Variants in PLEKHH1 observed in about 807,000 individuals in gnomAD.
PLEKHH1 encodes pleckstrin homology domain-containing family H member 1.
Under a neutral mutation model 160.0 loss-of-function variants are expected in PLEKHH1, and 104 were observed. The ratio of observed to expected loss-of-function variants is 0.65; its 90% CI spans 0.55 to 0.76. PLEKHH1 has a LOEUF of 0.76. PLEKHH1 is among the 30% of genes least tolerant of loss of function. The pLI is 0.00. For synonymous variants in PLEKHH1, 619 were observed against 678.4 expected (o/e 0.91, Z 1.36); for missense variants, 1,427 against 1,724.1 (o/e 0.83, Z 3.05).
intron 24 of PLEKHH1, among the ~76,000 whole-genome samples, 158 bp from the exon 25 acceptor site, chr14:67,583,583 A>C (rs1168097612): frequency 6.6e-6 from 1 of 152,208 alleles, no homozygotes; most frequent in Non-Finnish European, 1.5e-5. Flanking sequence ...AGTGTCTATA[A>C]AACTTGAGAT....
At chr14:67,559,778 G>T in intron 5 of PLEKHH1, 87 bp downstream of exon 5, 1 of 833,766 alleles carries the variant, frequency 1.2e-6, no homozygotes, top group South Asian at 1.4e-5. Flanking sequence ...CTACTGTCTA[G>T]GGTGCCTCGG....
intron 24 of PLEKHH1, 54 bp from the exon 25 acceptor site, chr14:67,583,687 C>G: frequency 6.9e-7 from 1 of 1,450,398 alleles, no homozygotes. Flanking sequence ...CAGCCCCCAC[C>G]TGGCCCATCC....
chr14:67,547,465 G>A (rs564155737), intron 2 of PLEKHH1, among the ~76,000 whole-genome samples: 1 of 152,316 alleles, frequency 6.6e-6, no homozygotes, highest in African/African-American at 2.4e-5. Flanking sequence ...GGTTTCTTAG[G>A]AGAGCTCCTG....
chr14:67,567,137 C>T (rs1049488864), intron 7 of PLEKHH1, among the ~76,000 whole-genome samples: 4 of 147,628 alleles, frequency 2.7e-5, no homozygotes, highest in Admixed American at 6.8e-5. Flanking sequence ...GGCATGATCA[C>T]TCGTGTTCCG....
Position 67,583,799 on chromosome 14 carries a change from C to T in PLEKHH1, c.3485C>T (p.Ala1162Val). The stretch of plus-strand genomic sequence containing the variant: ...CCAGGCCCTGGAGGCACATCCCCTG[C>T]CAAGGCTCAGCATCTTCTCCAGCAG... The part of the protein sequence containing the change: ...ALPGPGGTSP[A>V]KAQHLLQQVL... The change falls in exon 25 of 29, where the codon GCC becomes GTC. Residue 1162 changes from alanine (A) to valine (V), a missense_variant. Physicochemically the swap from Ala to Val is moderately conservative, Grantham distance 64. This residue lies in a region of PLEKHH1 where 436 missense variants were observed against 607.5 expected (regional missense o/e 0.72). Coordinates refer to ENST00000329153, the MANE Select transcript of PLEKHH1 (RefSeq NM_020715.3). 6.2e-7 allele frequency: 1 copy of T among 1,612,862 alleles called. No individual in the cohort carries two copies. Among genetic ancestry groups the T allele is most frequent in the Non-Finnish European group, 8.5e-7 (1 of 1,179,364 alleles).
At chr14:67,586,178 C>T in intron 28 of PLEKHH1, 81 bp downstream of exon 28, 1 of 1,483,616 alleles carries the variant, frequency 6.7e-7, no homozygotes, top group Non-Finnish European at 9.3e-7. Context: ...TGGGGTTATG[C>T]TAGTGCTCTG....
intron 3 of PLEKHH1, among the ~76,000 whole-genome samples, chr14:67,556,347 G>C (rs2034593957): frequency 6.6e-6 from 1 of 152,222 alleles, no homozygotes; most frequent in Non-Finnish European, 1.5e-5. Context: ...TGTTGCCCAG[G>C]CTGGTCTCAA....
chr14:67,542,856 A>G (rs2034027362), intron 2 of PLEKHH1, among the ~76,000 whole-genome samples: 1 of 151,874 alleles, frequency 6.6e-6, no homozygotes, highest in Non-Finnish European at 1.5e-5. Flanking sequence ...ATGCACCACC[A>G]CGCCCGGCTA....
intron 4 of PLEKHH1, 100 bp downstream of exon 4, chr14:67,557,518 G>C (rs571536025): frequency 8.4e-5 from 91 of 1,089,448 alleles, no homozygotes; most frequent in Non-Finnish European, 1.2e-4. Flanking sequence ...CTAGTGCTGG[G>C]GAACTCGCTC....
intron 10 of PLEKHH1, 112 bp from the exon 11 acceptor site, chr14:67,572,023 C>T: frequency 6.8e-7 from 1 of 1,476,404 alleles, no homozygotes. Context: ...GCAGCTCCAC[C>T]CCCAGCCCCA....
chr14:67,586,440 G>C, intron 28 of PLEKHH1: 1 of 1,309,602 alleles, frequency 7.6e-7, no homozygotes, highest in Non-Finnish European at 1.0e-6. Context: ...TCAAGGCAGG[G>C]CAGATTCCTC....
chr14:67,571,857 T>A lies in PLEKHH1; in HGVS notation c.1540T>A (p.Ser514Thr), dbSNP rs2140468910. ...SFRISVPSSE[S>T]RKTSGLGSPR... ...CCGAATCTCGGTCCCCTCCTCTGAG[T>A]CCAGGAAGACCAGCGGACTAGGCAG... The change falls in exon 10 of 29, where the codon TCC (serine) becomes ACC (threonine). Residue 514 changes from serine (S) to threonine (T), a missense_variant. This residue lies in a region of PLEKHH1 where 831 missense variants were observed against 929.2 expected (regional missense o/e 0.89). Transcript: ENST00000329153. 6.2e-7 allele frequency: 1 copy of A among 1,613,462 alleles called. No individual in the cohort carries two copies. The highest frequency in any genetic ancestry group is 2.2e-5 in the East Asian group (1 of 44,860).
chr14:67,544,712 AGT>A (rs1374711794), intron 2 of PLEKHH1, among the ~76,000 whole-genome samples: 1 of 152,272 alleles, frequency 6.6e-6, no homozygotes, highest in Non-Finnish European at 1.5e-5. Context: ...AATAAGTGAA[AGT>A]GTTTTTATTG....
At position 67,535,952 on chromosome 14, in the gene PLEKHH1, A is replaced by G. The variant is rs1460420076; in HGVS notation, c.-35+2554A>G. On this transcript the variant is annotated intron_variant, in intron 1 of 28. Coordinates refer to ENST00000329153, the MANE Select transcript of PLEKHH1 (RefSeq NM_020715.3). ...AAATATTACTGCCCTCAATTTCAGA[A>G]TGGAACTGAGTCTCAAAGAAGTTAA... Among the ~76,000 whole-genome samples the G allele has an allele frequency of 2.6e-5, 4 of 152,340 alleles. No individual in the cohort carries two copies. The East Asian group carries it at 7.7e-4, about 29-fold the overall frequency.
intron 11 of PLEKHH1, 21 bp downstream of exon 11, chr14:67,572,298 G>A (rs748573800): frequency 1.3e-5 from 20 of 1,569,630 alleles, no homozygotes; most frequent in Non-Finnish European, 1.5e-5. Flanking sequence ...AAACGGGCGG[G>A]GGCAGGGTGG....
At chr14:67,541,711 A>G in intron 1 of PLEKHH1, 123 bp from the exon 2 acceptor site, 2 of 622,558 alleles carry the variant, frequency 3.2e-6, no homozygotes, top group South Asian at 2.3e-5. Flanking sequence ...TCTCTTCCCC[A>G]GCCCTGTTTT....
At position 67,579,728 on chromosome 14, in the gene PLEKHH1, G is replaced by T; in HGVS notation, c.3035G>T (p.Gly1012Val). The T allele has an allele frequency of 1.2e-6, 2 of 1,612,670 alleles. No individual in the cohort carries two copies. Among genetic ancestry groups the T allele is most frequent in the Non-Finnish European group, 1.7e-6 (2 of 1,179,442 alleles). The change falls in exon 22 of 29, where the codon GGT becomes GTT. Residue 1012 changes from glycine to valine, a missense_variant. Transcript: ENST00000329153. ...ACTCTTCTCCCGCCTCAGGTGGTTG[G>T]TTTTGACGGCTCTTCCACGGTTGAT... ...HFTNGTYHVV[G>V]FDGSSTVDEF...
rs1837894703 is a variant in PLEKHH1, at chr14:67,576,247, C to A, written c.2353-148C>A. ...AAAGTTGGGTTCATGTTCACCTGAT[C>A]CTCAGTCTTTCCAGGTAGCCCTGAC... On this transcript the variant is annotated intron_variant, in intron 16 of 28. Coordinates refer to ENST00000329153, the MANE Select transcript of PLEKHH1 (RefSeq NM_020715.3). This position sits in a 1 kb window ranked among gnomAD's most constrained non-coding sequence, Gnocchi z 4.0. The A allele has an allele frequency of 1.6e-6, 1 of 617,556 alleles. No individual in the cohort carries two copies. Among genetic ancestry groups the A allele is most frequent in the Admixed American group, 3.0e-5 (1 of 32,796 alleles). 38.3% of individuals were successfully genotyped at this position (617,556 alleles called of 1,614,324 possible).
In PLEKHH1 at chr14:67,573,253, A is replaced by G. The variant is rs531456606; in HGVS notation, c.1729-23A>G. The G allele has an allele frequency of 1.1e-5, 17 of 1,480,430 alleles. No homozygotes were observed. The African/African-American group carries it at 2.2e-4, about 19-fold the overall frequency. The allele number at this position is 1,480,430 out of a possible 1,614,324, so 91.7% of individuals were successfully genotyped here. A position where few individuals can be genotyped will look rare whatever the true frequency, so the allele number is the denominator to read the frequency against. ...GCCCTGAGTGATTTCCCCTTTCTTCATCTACACCCTTCCACCCCTCAGGAG... is the reference window on the plus strand; with the variant it reads ...GCCCTGAGTGATTTCCCCTTTCTTCGTCTACACCCTTCCACCCCTCAGGAG... On this transcript the variant is annotated intron_variant, in intron 11 of 28. Transcript: ENST00000329153. The surrounding 1 kb of genome is among the most constrained non-coding windows in gnomAD (Gnocchi z 4.8).
Sources: gnomAD v4.1 joint callset for allele counts (sites outside exome capture counted in the v4.1 genomes callset) on GRCh38, gnomAD v4.1.1 for gene constraint, gnomAD v4.1.1 regional missense constraint, Gnocchi (gnomAD v3.1) non-coding constraint, MANE v1.5 for transcripts, NCBI Gene and HGNC (gene_info 2026-07-23, HGNC 2026-07-21) for gene names.